The following NDRG4 variants were observed in gnomAD, a reference collection of about 807,000 sequenced individuals.
NDRG4 encodes NDRG family member 4.
In NDRG4, 38 loss-of-function variants were observed where a neutral mutation model predicts 55.8. The observed-to-expected ratio is 0.68, with a 90% CI of 0.53 to 0.89. The LOEUF is 0.89. Among genes scored for constraint, NDRG4 ranks in the 40% least tolerant of loss-of-function variants. The pLI, the probability that NDRG4 is intolerant of heterozygous loss-of-function variation, is 0.00. For synonymous variants in NDRG4, 190 were observed against 182.7 expected (o/e 1.04, Z -0.32); for missense variants, 455 against 468.6 (o/e 0.97, Z 0.27).
chr16:58,498,294 C>T (rs2036632596), upstream of NDRG4, among the ~76,000 whole-genome samples: 1 of 152,130 alleles, frequency 6.6e-6, no homozygotes, highest in African/African-American at 2.4e-5. Context: ...GCCAGGGGGA[C>T]TCCCCATTCT....
At chr16:58,494,817 GTGAGACCC>G (rs1329549038) in intron 2 of NDRG4, 2 of 630,526 alleles carry the variant, frequency 3.2e-6, no homozygotes. Flanking sequence ...GGGTGATAGA[GTGAGACCC>G]TGTCTCTAAA....
At chr16:58,483,277 C>T (rs1030322814) in intron 1 of NDRG4, among the ~76,000 whole-genome samples, 11 of 151,932 alleles carry the variant, frequency 7.2e-5, no homozygotes, top group Non-Finnish European at 1.3e-4. Context: ...TTCGCCTGGC[C>T]GGGGTCTCAG....
chr16:58,507,124 T>G, intron 8 of NDRG4, 109 bp downstream of exon 8: 1 of 826,744 alleles, frequency 1.2e-6, no homozygotes, highest in South Asian at 1.5e-5. Flanking sequence ...GGTTTGTAGA[T>G]GGGCACGATA....
chr16:58,475,508 C>T (rs575163140), intron 1 of NDRG4: 101 of 419,136 alleles, frequency 2.4e-4, no homozygotes, highest in South Asian at 1.6e-3. Flanking sequence ...GGGTGGGTCT[C>T]CAAGAAAAAT....
At position 58,511,448 on chromosome 16, in the gene NDRG4, G is replaced by T; in HGVS notation, c.931G>T (p.Ala311Ser). 6.2e-7 allele frequency: 1 copy of T among 1,609,826 alleles called. No homozygotes were observed. The highest frequency in any genetic ancestry group is 1.3e-5 in the African/African-American group (1 of 74,948). ...GCCCTCAGCCAGCATGACCCGCCTGGCACGCTCCCGCACTGCATCCCTCAC... is the reference window on the plus strand; with the variant it reads ...GCCCTCAGCCAGCATGACCCGCCTGTCACGCTCCCGCACTGCATCCCTCAC... ...AVPSASMTRL[A>S]RSRTASLTSA... is the part of the protein sequence containing the mutation. The change falls in exon 15 of 15, where the codon GCA becomes TCA. Residue 311 changes from alanine (A) to serine (S), a missense_variant. Coordinates refer to ENST00000570248, the MANE Select transcript of NDRG4 (RefSeq NM_001242835.2).
At chr16:58,481,458 G>A (rs368122070) in intron 1 of NDRG4, among the ~76,000 whole-genome samples, 22 of 151,978 alleles carry the variant, frequency 1.4e-4, no homozygotes, top group East Asian at 5.8e-4. Flanking sequence ...GGGTGCGTGC[G>A]TGTGTGTGTG....
chr16:58,487,607 GGC>G, intron 1 of NDRG4: 3 of 527,372 alleles, frequency 5.7e-6, no homozygotes, highest in Middle Eastern at 5.2e-4. Context: ...GAGGCCTGGG[GGC>G]CCTAAGTGCC....
chr16:58,495,356 A>G, upstream of NDRG4: 1 of 248,616 alleles, frequency 4.0e-6, no homozygotes, highest in Non-Finnish European at 7.9e-6. Context: ...GTGGAAACTG[A>G]AAGCGCCCTT....
intron 1 of NDRG4, chr16:58,500,912 G>A: frequency 9.9e-7 from 1 of 1,013,520 alleles, no homozygotes; most frequent in Non-Finnish European, 1.3e-6. Context: ...GGGCCACACA[G>A]GAATGACAGC....
chr16:58,511,530 G>C lies in NDRG4; in HGVS notation c.1013G>C (p.Ser338Thr). 1 of 1,613,074 alleles carries C rather than the reference G, an allele frequency of 6.2e-7. No individual in the cohort carries two copies. The highest frequency in any genetic ancestry group is 2.2e-5 in the East Asian group (1 of 44,872). Residue 338 changes from serine to threonine, a missense_variant, in exon 15 of 15, where the codon AGC becomes ACC. Transcript: ENST00000570248. ...RPQACTHSESSEGLGQVNHTM... is the reference protein window; with the variant it reads ...RPQACTHSESTEGLGQVNHTM... ...CAGGCCTGCACCCACTCAGAGAGCA[G>C]CGAGGGGCTGGGCCAGGTCAACCAC...
chr16:58,510,885 G>T lies in NDRG4; in HGVS notation c.904+202G>T. 8 of 610,256 alleles carry T rather than the reference G, an allele frequency of 1.3e-5. No homozygotes were observed. The South Asian group carries it at 1.5e-4, about 12-fold the overall frequency. 37.8% of individuals were successfully genotyped at this position (610,256 alleles called of 1,614,324 possible). On this transcript the variant is annotated intron_variant, in intron 14 of 14. Coordinates refer to ENST00000570248, the MANE Select transcript of NDRG4 (RefSeq NM_001242835.2). ...GTTGGCTGGGTTGCAGAGCAGTCTT[G>T]CTTCTAGGTTGTCATGAGCTGCGTG...
chr16:58,499,729 A>T (rs532636243), upstream of NDRG4: 2 of 181,804 alleles, frequency 1.1e-5, no homozygotes, highest in African/African-American at 4.8e-5. Context: ...CAAGGGCTCT[A>T]GCTGTCTGGG....
rs116852095 is a variant in NDRG4 at position 58,486,401 on chromosome 16, C to T, written c.-23-1355C>T. On this transcript the variant is annotated intron_variant, in intron 1 of 15. Transcript: ENST00000258187. Reference sequence around the variant, plus strand: ...TCCTGAACCTCTGGGCTCAAGCACTCCTCCGGCCTCAGCCTCTCAAAATGC... The same window carrying T: ...TCCTGAACCTCTGGGCTCAAGCACTTCTCCGGCCTCAGCCTCTCAAAATGC... 2.2e-3 allele frequency among the ~76,000 whole-genome samples: 334 copies of T among 151,986 alleles called. 7 individuals are homozygous for T. The East Asian group carries it at 0.05, about 23-fold the overall frequency.
chr16:58,467,776 G>C (rs2031976777), intron 1 of NDRG4, among the ~76,000 whole-genome samples: 1 of 152,182 alleles, frequency 6.6e-6, no homozygotes, highest in Non-Finnish European at 1.5e-5. Flanking sequence ...GGGATCTTTG[G>C]AGATTAGGTG....
Position 58,512,081 on chromosome 16 carries a change from G to A in NDRG4, c.*505G>A, listed in dbSNP as rs763888701. On this transcript the variant is annotated 3_prime_UTR_variant, in exon 15 of 15. Coordinates refer to ENST00000570248, the MANE Select transcript of NDRG4 (RefSeq NM_001242835.2). The stretch of plus-strand genomic sequence containing the variant: ...CAATCATCTGGACAACAGCCACAAG[G>A]GGGCGCTCGGACCAGGCAGCCACTT... 30 of 456,676 alleles carry A rather than the reference G, an allele frequency of 6.6e-5. No homozygotes were observed. Among genetic ancestry groups the A allele is most frequent in the Non-Finnish European group, 1.2e-4 (27 of 227,020 alleles). 28.3% of individuals were successfully genotyped at this position (456,676 alleles called of 1,614,324 possible).
At chr16:58,510,579 C>G in intron 13 of NDRG4, 66 bp from the exon 14 acceptor site, 2 of 1,376,860 alleles carry the variant, frequency 1.5e-6, no homozygotes, top group Non-Finnish European at 2.0e-6. Context: ...CTCAGCGGAC[C>G]ACGCTCTTCA....
chr16:58,484,644 G>A (rs1240421969), intron 1 of NDRG4, among the ~76,000 whole-genome samples: 1 of 152,176 alleles, frequency 6.6e-6, no homozygotes, highest in Non-Finnish European at 1.5e-5. Flanking sequence ...TCTCCTGGGA[G>A]AGCTCTTGTC....
At chr16:58,502,070 A>G (rs1344271069) in intron 1 of NDRG4, 3 of 454,314 alleles carry the variant, frequency 6.6e-6, no homozygotes, top group Non-Finnish European at 1.3e-5. Context: ...GTGAACATGC[A>G]GCCTTCAGTG....
chr16:58,479,377 T>C lies in NDRG4; in HGVS notation c.-23-8379T>C, dbSNP rs1415707646. 2.0e-5 allele frequency among the ~76,000 whole-genome samples: 3 copies of C among 152,296 alleles called. No homozygotes were observed. In the East Asian group the frequency reaches 5.8e-4, roughly 29 times the overall value. On this transcript the variant is annotated intron_variant, in intron 1 of 15. Coordinates refer to the NDRG4 transcript ENST00000258187. ...ATCCTCCTGGTGCTCACTGAGGTGGTTTCCAGATTGTACTCCTCCACTCGG... is the reference window on the plus strand; with the variant it reads ...ATCCTCCTGGTGCTCACTGAGGTGGCTTCCAGATTGTACTCCTCCACTCGG...
Sources: allele counts gnomAD v4.1 joint callset (sites outside exome capture counted in the v4.1 genomes callset), GRCh38; gene constraint gnomAD v4.1.1; transcripts MANE v1.5; gene names NCBI Gene and HGNC (gene_info 2026-07-23, HGNC 2026-07-21).